The following RNF220 variants were observed in gnomAD, a reference collection of about 807,000 sequenced individuals.
The protein encoded by RNF220 is E3 ubiquitin-protein ligase RNF220.
A neutral mutation model predicts 67.1 loss-of-function variants in RNF220; 7 were observed. The observed-to-expected ratio is 0.10, with a 90% CI of 0.06 to 0.20. The LOEUF is 0.20. Ranked by LOEUF, RNF220 falls within the 10% of genes least tolerant of loss-of-function variation. RNF220 has a pLI of 1.00. For missense variants in RNF220, 565 were observed against 740.3 expected (o/e 0.76, Z 2.75); for synonymous variants, 270 against 283.2 (o/e 0.95, Z 0.47).
At chr1:44,597,059 T>C (rs1463632358) in intron 2 of RNF220, among the ~76,000 whole-genome samples, 2 of 152,182 alleles carry the variant, frequency 1.3e-5, no homozygotes, top group Non-Finnish European at 2.9e-5. Flanking sequence ...GCTGCAGCTC[T>C]GTAGCTACCA....
At chr1:44,407,476 C>T (rs540893855) in intron 1 of RNF220, among the ~76,000 whole-genome samples, 184 of 152,124 alleles carry the variant, frequency 1.2e-3, no homozygotes, top group Non-Finnish European at 2.2e-3. Context: ...GTCTTCCGTG[C>T]CGATCCCTCC....
At chr1:44,603,882 T>G (rs1405352911) in intron 2 of RNF220, among the ~76,000 whole-genome samples, 8 of 152,238 alleles carry the variant, frequency 5.3e-5, no homozygotes, top group Non-Finnish European at 4.4e-5. Context: ...TTGTAATCAG[T>G]GCCCCACGGT....
chr1:44,561,293 C>T (rs1663548592), intron 2 of RNF220, among the ~76,000 whole-genome samples: 1 of 152,082 alleles, frequency 6.6e-6, no homozygotes, highest in Non-Finnish European at 1.5e-5. Flanking sequence ...GGATGGATCA[C>T]GAGGTCAGGA....
At chr1:44,521,128 C>T (rs1367310440) in intron 2 of RNF220, among the ~76,000 whole-genome samples, 1 of 152,182 alleles carries the variant, frequency 6.6e-6, no homozygotes, top group East Asian at 1.9e-4. Context: ...AACTCCTGGG[C>T]TCAAGTGATC....
At chr1:44,625,160 T>C (rs895746439) in intron 4 of RNF220, among the ~76,000 whole-genome samples, 4 of 152,116 alleles carry the variant, frequency 2.6e-5, no homozygotes, top group Non-Finnish European at 5.9e-5. Context: ...GAGAAGAACA[T>C]TGCCTGAGAG....
In RNF220 at chr1:44,606,060, T is replaced by C. The variant is rs1471728857; in HGVS notation, c.626-8105T>C. Among the ~76,000 whole-genome samples the C allele has an allele frequency of 6.6e-6, 1 of 152,184 alleles. No homozygotes were observed. Among genetic ancestry groups the C allele is most frequent in the Non-Finnish European group, 1.5e-5 (1 of 68,032 alleles). On this transcript the variant is annotated intron_variant, in intron 2 of 14. Coordinates refer to ENST00000361799, the MANE Select transcript of RNF220 (RefSeq NM_018150.4). This position sits in a 1 kb window ranked among gnomAD's most constrained non-coding sequence, Gnocchi z 4.2. ...GATGCCTATTAATCCTGACAAATGATGACTTACGAACATGTAATGCAAACT... is the reference window on the plus strand; with the variant it reads ...GATGCCTATTAATCCTGACAAATGACGACTTACGAACATGTAATGCAAACT...
At chr1:44,636,961 C>A (rs1644348545) in intron 8 of RNF220, among the ~76,000 whole-genome samples, 1 of 152,254 alleles carries the variant, frequency 6.6e-6, no homozygotes, top group African/African-American at 2.4e-5. Context: ...AAAAGGGGAG[C>A]TGTCTGCCTC....
At chr1:44,483,305 T>TGAG (rs1177185133) in intron 2 of RNF220, among the ~76,000 whole-genome samples, 1 of 152,170 alleles carries the variant, frequency 6.6e-6, no homozygotes. Flanking sequence ...CTGTTCTACC[T>TGAG]TGCTCAATGT....
rs554391068 is a variant in RNF220 at position 44,626,368 on chromosome 1, C to G, written c.876C>G (p.Thr292=). Residue 292 remains threonine (T), a synonymous_variant, in exon 5 of 15, where the codon ACC becomes ACG. Transcript: ENST00000361799. ...CGGCATCACCCCACTCATCTGCCAC[C>G]GATGACCTCCACCATTCAGACAGAT... The part of the protein sequence containing the change: ...SPTASPHSSA[T]DDLHHSDRYQ... 5 of 1,613,960 alleles carry G rather than the reference C, an allele frequency of 3.1e-6. No individual in the cohort carries two copies. The highest frequency in any genetic ancestry group is 4.2e-6 in the Non-Finnish European group (5 of 1,179,868).
chr1:44,639,337 G>C (rs1644422585), intron 8 of RNF220, among the ~76,000 whole-genome samples: 1 of 152,236 alleles, frequency 6.6e-6, no homozygotes, highest in Non-Finnish European at 1.5e-5. Flanking sequence ...TTGCCAGTGA[G>C]AGTTCACCCA....
chr1:44,500,801 G>GTC (rs79874419), intron 2 of RNF220, among the ~76,000 whole-genome samples: 14,221 of 152,122 alleles, frequency 0.093, 858 homozygotes, highest in Middle Eastern at 0.18. Context: ...AAAGAGAGAG[G>GTC]AGGGAGGGAG....
chr1:44,617,690 A>G (rs1296367185), intron 3 of RNF220, among the ~76,000 whole-genome samples: 1 of 152,152 alleles, frequency 6.6e-6, no homozygotes, highest in East Asian at 1.9e-4. Context: ...ACTCCTCACC[A>G]TCAGCTCCCT....
chr1:44,621,470 C>T lies in RNF220; in HGVS notation c.759-1272C>T, dbSNP rs1643792539. On this transcript the variant is annotated intron_variant, in intron 3 of 14. Transcript: ENST00000361799. This position sits in a 1 kb window ranked among gnomAD's most constrained non-coding sequence, Gnocchi z 4.8. Reference sequence around the variant, plus strand: ...CTGTAGGCTGTTTAACATCCTCTACCTACTCCATGCCAGTAGCAACCTCCC... The same window carrying T: ...CTGTAGGCTGTTTAACATCCTCTACTTACTCCATGCCAGTAGCAACCTCCC... Among the ~76,000 whole-genome samples, 1 of 152,136 alleles carries T rather than the reference C, an allele frequency of 6.6e-6. No homozygotes were observed. Among genetic ancestry groups the T allele is most frequent in the Admixed American group, 6.5e-5 (1 of 15,272 alleles).
intron 2 of RNF220, among the ~76,000 whole-genome samples, chr1:44,434,743 G>A (rs919188524): frequency 4.6e-5 from 7 of 151,230 alleles, no homozygotes; most frequent in Non-Finnish European, 1.0e-4. Flanking sequence ...TACTTTGGCT[G>A]TTGCGTGACT....
At chr1:44,405,983 C>T (rs1400325290) in intron 1 of RNF220, among the ~76,000 whole-genome samples, 4 of 152,164 alleles carry the variant, frequency 2.6e-5, no homozygotes, top group African/African-American at 9.7e-5. Context: ...GTGCACCCCC[C>T]GGTGATTTCC....
At chr1:44,485,380 T>A (rs953643599) in intron 2 of RNF220, among the ~76,000 whole-genome samples, 18 of 152,188 alleles carry the variant, frequency 1.2e-4, no homozygotes, top group African/African-American at 3.4e-4. Flanking sequence ...ATTGTTCCTA[T>A]GGAGAGACAG....
intron 3 of RNF220, among the ~76,000 whole-genome samples, chr1:44,615,425 A>C (rs1643502502): frequency 6.6e-6 from 1 of 152,084 alleles, no homozygotes; most frequent in Non-Finnish European, 1.5e-5. Context: ...GATATGGTTG[A>C]TGCTGTCTTT....
At chr1:44,468,517 C>T (rs1654482914) in intron 2 of RNF220, among the ~76,000 whole-genome samples, 1 of 152,146 alleles carries the variant, frequency 6.6e-6, no homozygotes, top group Admixed American at 6.5e-5. Flanking sequence ...TTTAATAGTA[C>T]TTGCGTTTGG....
At chr1:44,461,920 CTTTGTTTTT>C (rs1653801620) in intron 2 of RNF220, among the ~76,000 whole-genome samples, 1 of 118,168 alleles carries the variant, frequency 8.5e-6, no homozygotes. Context: ...TTTCTTTTTT[CTTTGTTTTT>C]TTTTTTTTTT....
Sources: allele counts gnomAD v4.1 joint callset (sites outside exome capture counted in the v4.1 genomes callset), GRCh38; gene constraint gnomAD v4.1.1; non-coding constraint Gnocchi (gnomAD v3.1); transcripts MANE v1.5; gene names NCBI Gene and HGNC (gene_info 2026-07-23, HGNC 2026-07-21).